Variants in GABRP observed in about 807,000 individuals in gnomAD.
GABRP encodes gamma-aminobutyric acid receptor subunit pi.
A neutral mutation model predicts 47.8 loss-of-function variants in GABRP; 52 were observed. The ratio of observed to expected loss-of-function variants is 1.09; its 90% CI spans 0.87 to 1.37. The LOEUF (loss-of-function observed/expected upper bound fraction) is 1.37. Among genes scored for constraint, GABRP ranks in the 40% most tolerant of loss-of-function variants. The pLI, the probability that GABRP is intolerant of heterozygous loss-of-function variation, is 0.00. For synonymous variants in GABRP, 221 were observed against 205.8 expected, an observed-to-expected ratio of 1.07 and a Z score of -0.63; for missense variants, 525 against 542.8, an observed-to-expected ratio of 0.97 and a Z score of 0.33.
chr5:170,783,267 C>T (rs1765051382), upstream of GABRP, among the ~76,000 whole-genome samples: 2 of 152,172 alleles, frequency 1.3e-5, no homozygotes, highest in South Asian at 4.1e-4. Flanking sequence ...TAGAATAGGC[C>T]TTCTGTTGAT....
Position 170,812,281 on chromosome 5 carries a change from G to A in GABRP, c.*23G>A, listed in dbSNP as rs755306311. 2 of 1,582,300 alleles carry A rather than the reference G, an allele frequency of 1.3e-6. No homozygotes were observed. Among genetic ancestry groups the A allele is most frequent in the South Asian group, 2.2e-5 (2 of 89,308 alleles). ...TGAGTCAATGTTAAATTTCTTGCAT[G>A]CCATAGGTCTTCAACAGGACAAGAT... On this transcript the variant is annotated 3_prime_UTR_variant, in exon 10 of 10. Transcript: ENST00000265294.
Position 170,805,761 on chromosome 5 carries a change from A to G in GABRP, c.587A>G (p.Asn196Ser). 6.2e-7 allele frequency: 1 copy of G among 1,614,210 alleles called. No homozygotes were observed. Among genetic ancestry groups the G allele is most frequent in the Non-Finnish European group, 8.5e-7 (1 of 1,180,026 alleles). ...NDVEFTWLRG[N>S]DSVRGLEHLR... is the part of the protein sequence containing the mutation. The stretch of plus-strand genomic sequence containing the variant: ...GTGGAGTTCACCTGGCTGAGAGGGA[A>G]CGACTCTGTGCGTGGACTGGAACAC... Residue 196 changes from asparagine to serine, a missense_variant, in exon 7 of 10, where the codon AAC becomes AGC. Asn to Ser is a conservative substitution (Grantham distance 46). Transcript: ENST00000265294.
Position 170,789,229 on chromosome 5 carries a change from C to T in GABRP, c.154C>T (p.Leu52Phe). 1 of 1,613,442 alleles carries T rather than the reference C, an allele frequency of 6.2e-7. No homozygotes were observed. The highest frequency in any genetic ancestry group is 1.1e-5 in the South Asian group (1 of 91,016). The part of the protein sequence containing the change: ...ENLTAGYNKF[L>F]RPNFGGEPVQ... The stretch of plus-strand genomic sequence containing the variant: ...CCTCACAGCAGGATATAACAAATTT[C>T]TCAGGCCCAATTTTGGTGGTAGGTC... The change falls in exon 3 of 10, where the codon CTC (leucine) becomes TTC (phenylalanine). Residue 52 changes from leucine (L) to phenylalanine (F), a missense_variant. Transcript: ENST00000265294.
At chr5:170,787,327 G>A (rs1227733600) in intron 1 of GABRP, among the ~76,000 whole-genome samples, 2 of 152,230 alleles carry the variant, frequency 1.3e-5, no homozygotes, top group African/African-American at 4.8e-5. Context: ...AGGGCTGCCT[G>A]AGAATGGGGC....
At chr5:170,805,666 T>C (rs1204414681) in intron 6 of GABRP, 50 bp from the exon 7 acceptor site, 1 of 1,606,748 alleles carries the variant, frequency 6.2e-7, no homozygotes, top group East Asian at 2.2e-5. Flanking sequence ...ACCAGACCAG[T>C]TCAATCTGGA....
At chr5:170,783,023 G>T (rs944801250), upstream of GABRP, 3 of 152,280 alleles carry the variant, frequency 2.0e-5, no homozygotes, top group Non-Finnish European at 2.9e-5. Context: ...GAGGAAGAAG[G>T]CCTCCCTCTC....
At chr5:170,786,968 TG>T (rs202192134) in intron 1 of GABRP, among the ~76,000 whole-genome samples, 5 of 151,576 alleles carry the variant, frequency 3.3e-5, no homozygotes, top group Admixed American at 6.6e-5. Flanking sequence ...AGAGAAGAAA[TG>T]GGGGGGGACT....
At chr5:170,798,039 C>T (rs1292165012) in intron 6 of GABRP, among the ~76,000 whole-genome samples, 5 of 152,080 alleles carry the variant, frequency 3.3e-5, no homozygotes, top group South Asian at 2.1e-4. Context: ...TGCAGAGTTT[C>T]GTTTTGTTTT....
At chr5:170,807,485 G>A (rs979579107) in intron 7 of GABRP, among the ~76,000 whole-genome samples, 31 of 152,194 alleles carry the variant, frequency 2.0e-4, no homozygotes, top group Non-Finnish European at 1.5e-4. Flanking sequence ...GTCAAATGTT[G>A]ATTCTAAGGT....
chr5:170,807,093 T>C (rs1765756209), intron 7 of GABRP, among the ~76,000 whole-genome samples: 2 of 151,922 alleles, frequency 1.3e-5, no homozygotes, highest in African/African-American at 4.8e-5. Flanking sequence ...GGACTATAGG[T>C]GTGTGCCATC....
At chr5:170,800,874 A>C (rs1420709878) in intron 6 of GABRP, among the ~76,000 whole-genome samples, 2 of 152,232 alleles carry the variant, frequency 1.3e-5, no homozygotes, top group Non-Finnish European at 2.9e-5. Flanking sequence ...TGAACCCAGG[A>C]GGTGGAGGTT....
Position 170,794,295 on chromosome 5 carries a change from C to T in GABRP, c.237C>T (p.Asn79=), listed in dbSNP as rs749811801. ...IASISSISES[N]MDYTATIYLR... is the part of the protein sequence containing the mutation. ...GTATCTCTAGCATTTCAGAGAGTAA[C>T]ATGGTAAGCGCTGTTCCTTTGTACT... is the stretch of plus-strand genomic sequence containing the variant. The change falls in exon 4 of 10, where the codon AAC becomes AAT. Residue 79 remains asparagine, a synonymous_variant. Coordinates refer to ENST00000265294, the MANE Select transcript of GABRP (RefSeq NM_014211.3). The T allele has an allele frequency of 3.8e-6, 6 of 1,598,870 alleles. No homozygotes were observed. The highest frequency in any genetic ancestry group is 3.4e-5 in the Admixed American group (2 of 58,768).
chr5:170,793,199 G>A (rs1035093147), intron 3 of GABRP, among the ~76,000 whole-genome samples: 12 of 152,202 alleles, frequency 7.9e-5, no homozygotes, highest in Non-Finnish European at 1.3e-4. Context: ...ACCCTGTGAT[G>A]TCAGTATGAT....
chr5:170,805,615 A>G (rs1581604790), intron 6 of GABRP, 101 bp from the exon 7 acceptor site: 3 of 1,322,578 alleles, frequency 2.3e-6, no homozygotes, highest in East Asian at 4.7e-5. Context: ...ATCACTATGA[A>G]GAAAGAACTC....
chr5:170,796,666 C>T (rs893878527), intron 5 of GABRP, among the ~76,000 whole-genome samples: 2 of 152,124 alleles, frequency 1.3e-5, no homozygotes, highest in East Asian at 1.9e-4. Context: ...AAGCACTCAG[C>T]CCAGGGACTA....
intron 6 of GABRP, among the ~76,000 whole-genome samples, chr5:170,801,858 G>T (rs1052514835): frequency 8.5e-5 from 9 of 105,328 alleles, no homozygotes; most frequent in African/African-American, 1.5e-4. Context: ...AAAGTAATGG[G>T]GGGGGGGTCA....
At chr5:170,796,324 A>G (rs1364904614) in intron 5 of GABRP, among the ~76,000 whole-genome samples, 3 of 152,148 alleles carry the variant, frequency 2.0e-5, no homozygotes, top group Non-Finnish European at 4.4e-5. Flanking sequence ...AATTCCAATC[A>G]TCGTTAATGT....
At position 170,808,874 on chromosome 5, in the gene GABRP, T is replaced by C. The variant is rs1279602777; in HGVS notation, c.832+122T>C. ...TTCCAAGAGTTGTTTTCTTGGGAGA[T>C]TCTTTTACAGAGAAAGAAAGAGAGA... is the stretch of plus-strand genomic sequence containing the variant. On this transcript the variant is annotated intron_variant, in intron 8 of 9. Transcript: ENST00000265294. 5.0e-6 allele frequency: 4 copies of C among 797,148 alleles called. No individual in the cohort carries two copies. The Middle Eastern group carries it at 7.2e-4, about 144-fold the overall frequency. The allele number at this position is 797,148 out of a possible 1,614,324, so 49.4% of individuals were successfully genotyped here. A position where few individuals can be genotyped will look rare whatever the true frequency, so the allele number is the denominator to read the frequency against.
At chr5:170,810,787 T>C (rs2127267651) in intron 9 of GABRP, among the ~76,000 whole-genome samples, 1 of 152,266 alleles carries the variant, frequency 6.6e-6, no homozygotes, top group Non-Finnish European at 1.5e-5. Flanking sequence ...TGGGTTTGGC[T>C]ACAGTGAGTA....
Sources: allele counts gnomAD v4.1 joint callset (sites outside exome capture counted in the v4.1 genomes callset), GRCh38; gene constraint gnomAD v4.1.1; transcripts MANE v1.5; gene names NCBI Gene and HGNC (gene_info 2026-07-23, HGNC 2026-07-21).